The following FUT8 variants were observed in gnomAD, a reference collection of about 807,000 sequenced individuals.
FUT8 encodes fucosyltransferase 8.
A neutral mutation model predicts 71.3 loss-of-function variants in FUT8; 29 were observed. That is an observed-to-expected ratio of 0.41 (90% confidence interval 0.30 to 0.55). The LOEUF (loss-of-function observed/expected upper bound fraction) is 0.55, where lower values mean the gene tolerates loss of function less well. Among genes scored for constraint, FUT8 ranks in the 20% least tolerant of loss-of-function variants. The probability of loss-of-function intolerance (pLI) is 0.34; values close to 1 mark genes in which losing one functional copy is unlikely to be tolerated. For synonymous variants in FUT8, 254 were observed against 239.3 expected, an observed-to-expected ratio of 1.06 and a Z score of -0.57; for missense variants, 544 against 702.1, an observed-to-expected ratio of 0.77 and a Z score of 2.55.
chr14:65,572,066 G>A (rs1886508197), intron 3 of FUT8, among the ~76,000 whole-genome samples: 1 of 152,180 alleles, frequency 6.6e-6, no homozygotes, highest in Non-Finnish European at 1.5e-5. Flanking sequence ...TATAGGCACA[G>A]TGAATGGCTT....
intron 2 of FUT8, among the ~76,000 whole-genome samples, chr14:65,510,260 G>GT (rs1882246717): frequency 6.6e-6 from 1 of 152,080 alleles, no homozygotes; most frequent in African/African-American, 2.4e-5. Flanking sequence ...AACCATTCTG[G>GT]TGTCCCAGGG....
At chr14:65,739,553 A>G (rs144526025) in intron 10 of FUT8, among the ~76,000 whole-genome samples, 1 of 152,082 alleles carries the variant, frequency 6.6e-6, no homozygotes, top group African/African-American at 2.4e-5. Context: ...AGAGGAGGAA[A>G]CACATCACGG....
chr14:65,723,542 G>A (rs1895533679), intron 8 of FUT8, among the ~76,000 whole-genome samples: 1 of 152,136 alleles, frequency 6.6e-6, no homozygotes, highest in African/African-American at 2.4e-5. Context: ...CAACAGAAGG[G>A]CTGGAATCGG....
In FUT8 at chr14:65,627,324, A is replaced by T. The variant is rs548191731; in HGVS notation, c.483-2168A>T. Among the ~76,000 whole-genome samples the T allele has an allele frequency of 8.5e-5, 13 of 152,214 alleles. No homozygotes were observed. Among genetic ancestry groups the T allele is most frequent in the African/African-American group, 3.1e-4 (13 of 41,540 alleles). On this transcript the variant is annotated intron_variant, in intron 5 of 10. Coordinates refer to ENST00000673929, the MANE Select transcript of FUT8 (RefSeq NM_001371533.1). This position sits in a 1 kb window ranked among gnomAD's most constrained non-coding sequence, Gnocchi z 4.0. Reference sequence around the variant, plus strand: ...AGCTCGATTCTTGCTTCCTTGGAGGAAATAATTTGGCCAGGGGAACATAAG... The same window carrying T: ...AGCTCGATTCTTGCTTCCTTGGAGGTAATAATTTGGCCAGGGGAACATAAG...
intron 6 of FUT8, among the ~76,000 whole-genome samples, chr14:65,637,346 C>T (rs1321043618): frequency 1.3e-5 from 2 of 152,128 alleles, no homozygotes; most frequent in Non-Finnish European, 2.9e-5. Flanking sequence ...GATCTGTATA[C>T]TTCAAGCCTT....
At chr14:65,485,475 A>G (rs1463565822) in intron 2 of FUT8, among the ~76,000 whole-genome samples, 1 of 152,210 alleles carries the variant, frequency 6.6e-6, no homozygotes, top group Non-Finnish European at 1.5e-5. Flanking sequence ...TACTGAGGCA[A>G]GACCTTCTTA....
rs71126744 is a variant in FUT8, at chr14:65,433,786, T to TTCTCTCTCTCTCTCTCTC, written c.-326+20587_-326+20604dup. Among the ~76,000 whole-genome samples, 205 of 144,970 alleles carry TTCTCTCTCTCTCTCTCTC rather than the reference T, an allele frequency of 1.4e-3. 3 individuals carry two copies. Among genetic ancestry groups the TTCTCTCTCTCTCTCTCTC allele is most frequent in the East Asian group, 6.7e-3 (32 of 4,812 alleles). On this transcript the variant is annotated intron_variant, in intron 1 of 10. Coordinates refer to ENST00000673929, the MANE Select transcript of FUT8 (RefSeq NM_001371533.1). ...TTTATTTCTACCTCTCTTCTGTCTC[T>TTCTCTCTCTCTCTCTCTC]TCTCTCTCTCTCTCTCTCTCTCTCT...
At chr14:65,392,189 C>T in the FUT8 span, among the ~76,000 whole-genome samples, 1 of 152,114 alleles carries the variant, frequency 6.6e-6, no homozygotes, top group Admixed American at 6.6e-5. Context: ...GCCTCGGCCT[C>T]CCAAAGTGCT....
At chr14:65,389,374 TA>T in the FUT8 span, among the ~76,000 whole-genome samples, 19,376 of 147,828 alleles carry the variant, frequency 0.13, 1,663 homozygotes, top group Middle Eastern at 0.2. Flanking sequence ...CACACCCTGA[TA>T]TTTTTTTTTT....
At chr14:65,611,288 CACACACACACA>C (rs1888973093) in intron 3 of FUT8, among the ~76,000 whole-genome samples, 7 of 42,938 alleles carry the variant, frequency 1.6e-4, no homozygotes, top group East Asian at 1.2e-3. Flanking sequence ...CACACACACA[CACACACACACA>C]CACCCCCCAA....
intron 1 of FUT8, among the ~76,000 whole-genome samples, chr14:65,434,158 A>G (rs746009778): frequency 9.9e-5 from 15 of 152,238 alleles, no homozygotes; most frequent in Non-Finnish European, 2.1e-4. Context: ...CAATTCTAAA[A>G]TGCCTTATAC....
intron 1 of FUT8, among the ~76,000 whole-genome samples, chr14:65,419,816 G>A (rs2065267453): frequency 6.6e-6 from 1 of 152,062 alleles, no homozygotes; most frequent in Non-Finnish European, 1.5e-5. Flanking sequence ...TTGGTAAACC[G>A]ACCCCCTCAA....
chr14:65,660,290 T>C lies in FUT8; in HGVS notation c.598-8953T>C, dbSNP rs997690129. ...AGTGGAAGAAATGCCCCACATTTGCTTGTTGCTTTCTATTGGATTTATGGA... is the reference window on the plus strand; with the variant it reads ...AGTGGAAGAAATGCCCCACATTTGCCTGTTGCTTTCTATTGGATTTATGGA... On this transcript the variant is annotated intron_variant, in intron 6 of 10. Transcript: ENST00000673929. The surrounding 1 kb of genome is among the most constrained non-coding windows in gnomAD (Gnocchi z 4.1). Among the ~76,000 whole-genome samples the C allele has an allele frequency of 6.6e-6, 1 of 152,186 alleles. No individual in the cohort carries two copies. Among genetic ancestry groups the C allele is most frequent in the Non-Finnish European group, 1.5e-5 (1 of 68,022 alleles).
chr14:65,602,404 G>GTAATAGCCTTGAT (rs1888349528), intron 3 of FUT8, among the ~76,000 whole-genome samples: 1 of 117,134 alleles, frequency 8.5e-6, no homozygotes, highest in Admixed American at 8.9e-5. Flanking sequence ...CACACACACA[G>GTAATAGCCTTGAT]TTTCTTTATC....
chr14:65,377,225 T>C, the FUT8 span, among the ~76,000 whole-genome samples: 1 of 152,138 alleles, frequency 6.6e-6, no homozygotes, highest in Non-Finnish European at 1.5e-5. Flanking sequence ...AAACTCCCTC[T>C]AGCTCCCTAG....
At chr14:65,418,177 T>C (rs1178285744) in intron 1 of FUT8, among the ~76,000 whole-genome samples, 1 of 152,234 alleles carries the variant, frequency 6.6e-6, no homozygotes, top group Non-Finnish European at 1.5e-5. Flanking sequence ...ATAAATGCTA[T>C]AACTTTCTGA....
chr14:65,372,989 A>G, the FUT8 span, among the ~76,000 whole-genome samples: 1 of 152,192 alleles, frequency 6.6e-6, no homozygotes, highest in Non-Finnish European at 1.5e-5. Flanking sequence ...TAGAGATGCC[A>G]GATAAAATAT....
intron 8 of FUT8, 54 bp from the exon 9 acceptor site, chr14:65,724,093 C>T (rs1435952536): frequency 5.1e-6 from 7 of 1,361,740 alleles, no homozygotes; most frequent in South Asian, 2.0e-5. Context: ...ATTGAGTACC[C>T]TCAAAGCACC....
In FUT8 at chr14:65,544,879, A is replaced by G. The variant is rs78587427; in HGVS notation, c.-227-16458A>G. ...TAATGAATGAAAATCAAATTTTATA[A>G]TCTTGGTAGGATTTATATGAAAATT... On this transcript the variant is annotated intron_variant, in intron 2 of 10. Coordinates refer to ENST00000673929, the MANE Select transcript of FUT8 (RefSeq NM_001371533.1). Among the ~76,000 whole-genome samples the G allele has an allele frequency of 4.6e-3, 701 of 152,088 alleles. 6 individuals carry two copies. Among genetic ancestry groups the G allele is most frequent in the African/African-American group, 0.016 (668 of 41,520 alleles).
Sources: allele counts gnomAD v4.1 joint callset (sites outside exome capture counted in the v4.1 genomes callset), GRCh38; gene constraint gnomAD v4.1.1; non-coding constraint Gnocchi (gnomAD v3.1); transcripts MANE v1.5; gene names NCBI Gene and HGNC (gene_info 2026-07-23, HGNC 2026-07-21).